The following FRMD5 variants were observed in gnomAD, a reference collection of about 807,000 sequenced individuals.
The protein encoded by FRMD5 is FERM domain containing 5, also known as FERM domain-containing protein 5.
A neutral mutation model predicts 69.0 loss-of-function variants in FRMD5; 20 were observed. The ratio of observed to expected loss-of-function variants is 0.29; its 90% CI spans 0.20 to 0.42. FRMD5 has a LOEUF of 0.42. Among genes scored for constraint, FRMD5 ranks in the 10% least tolerant of loss-of-function variants. The probability of loss-of-function intolerance (pLI) is 1.00; values close to 1 mark genes in which losing one functional copy is unlikely to be tolerated. For missense variants in FRMD5, 595 were observed against 708.6 expected, an observed-to-expected ratio of 0.84 and a Z score of 1.82; for synonymous variants, 271 against 260.1, an observed-to-expected ratio of 1.04 and a Z score of -0.40.
chr15:44,121,910 G>A lies in FRMD5; in HGVS notation c.102+73043C>T, dbSNP rs540220401. Among the ~76,000 whole-genome samples the A allele has an allele frequency of 2.7e-5, 4 of 148,732 alleles. No homozygotes were observed. The South Asian group carries it at 6.3e-4, about 24-fold the overall frequency. ...CTTGGGAGGGTGAGACAGGAGAATCGCTTGAACCTGAGGGGTGGAGGTTGC... is the reference window on the plus strand; with the variant it reads ...CTTGGGAGGGTGAGACAGGAGAATCACTTGAACCTGAGGGGTGGAGGTTGC... On this transcript the variant is annotated intron_variant, in intron 1 of 13. Coordinates refer to ENST00000417257, the MANE Select transcript of FRMD5 (RefSeq NM_032892.5).
At chr15:44,099,872 G>A (rs547316152) in intron 1 of FRMD5, among the ~76,000 whole-genome samples, 1 of 152,124 alleles carries the variant, frequency 6.6e-6, no homozygotes, top group African/African-American at 2.4e-5. Flanking sequence ...AAAAAGATAA[G>A]CTTGTATGAG....
intron 13 of FRMD5, among the ~76,000 whole-genome samples, chr15:43,880,315 T>G (rs1180222923): frequency 6.6e-6 from 1 of 152,142 alleles, no homozygotes; most frequent in Admixed American, 6.5e-5. Flanking sequence ...TCCTTGGGGT[T>G]TTTGTTGGTT....
chr15:43,944,608 G>C (rs561750023), intron 1 of FRMD5, among the ~76,000 whole-genome samples: 1 of 151,242 alleles, frequency 6.6e-6, no homozygotes, highest in South Asian at 2.1e-4. Context: ...TTTTTTTTTC[G>C]AGATGGAGTC....
At chr15:44,179,986 C>G (rs1188918734) in intron 1 of FRMD5, among the ~76,000 whole-genome samples, 1 of 147,318 alleles carries the variant, frequency 6.8e-6, no homozygotes, top group Non-Finnish European at 1.5e-5. Flanking sequence ...CTGCAGTGCA[C>G]TGTGCTCCAC....
At chr15:44,072,855 C>T (rs1052990334) in intron 1 of FRMD5, among the ~76,000 whole-genome samples, 8 of 152,178 alleles carry the variant, frequency 5.3e-5, no homozygotes, top group Admixed American at 4.6e-4. Flanking sequence ...CAAGGCTGGA[C>T]ACAGTGGCTC....
rs561110014 is a variant in FRMD5 at position 43,984,562 on chromosome 15, T to C, written c.103-60253A>G. ...CCCATTCACTACAGAGAAACTTACT[T>C]GAGCATCTCTCTTCAGATATTATTG... is the stretch of plus-strand genomic sequence containing the variant. On this transcript the variant is annotated intron_variant, in intron 1 of 13. Coordinates refer to ENST00000417257, the MANE Select transcript of FRMD5 (RefSeq NM_032892.5). 3.3e-5 allele frequency among the ~76,000 whole-genome samples: 5 copies of C among 152,312 alleles called. No homozygotes were observed. The East Asian group carries it at 9.6e-4, about 29-fold the overall frequency.
At chr15:44,005,745 C>T (rs893226337) in intron 1 of FRMD5, among the ~76,000 whole-genome samples, 1 of 152,076 alleles carries the variant, frequency 6.6e-6, no homozygotes, top group African/African-American at 2.4e-5. Flanking sequence ...AAGAACAGCA[C>T]TAGGGGGATG....
rs1415568931 is a variant in FRMD5 at position 43,999,951 on chromosome 15, T to TG, written c.103-75643dup. 3.1e-3 allele frequency among the ~76,000 whole-genome samples: 216 copies of TG among 68,798 alleles called. 6 individuals carry two copies. The highest frequency in any genetic ancestry group is 0.014 in the African/African-American group (209 of 15,366). The allele number at this position is 68,798 out of a possible 152,430, so 45.1% of individuals were successfully genotyped here. On this transcript the variant is annotated intron_variant, in intron 1 of 13. Coordinates refer to ENST00000417257, the MANE Select transcript of FRMD5 (RefSeq NM_032892.5). ...TATATATATATATATATATATGCCA[T>TG]GCATATATATATATATATATATATA...
chr15:43,966,238 G>A (rs1194547261), intron 1 of FRMD5, among the ~76,000 whole-genome samples: 1 of 152,002 alleles, frequency 6.6e-6, no homozygotes, highest in Non-Finnish European at 1.5e-5. Flanking sequence ...GGGGCGTGGT[G>A]GTGCATGCCT....
chr15:44,061,527 GC>G (rs1893086701), intron 1 of FRMD5, among the ~76,000 whole-genome samples: 1 of 152,236 alleles, frequency 6.6e-6, no homozygotes, highest in East Asian at 1.9e-4. Flanking sequence ...TACCCTTTAT[GC>G]TTTGAATTGT....
intron 1 of FRMD5, among the ~76,000 whole-genome samples, chr15:44,160,400 C>G (rs2077597553): frequency 6.6e-6 from 1 of 152,078 alleles, no homozygotes; most frequent in Admixed American, 6.6e-5. Flanking sequence ...CAGGATAGAA[C>G]AGAACCTGAA....
At chr15:44,086,439 T>C (rs1055564711) in intron 1 of FRMD5, among the ~76,000 whole-genome samples, 1 of 152,196 alleles carries the variant, frequency 6.6e-6, no homozygotes, top group Admixed American at 6.6e-5. Context: ...AAATGTAGTA[T>C]GTTAAGTGAA....
At chr15:44,026,564 G>A (rs938663692) in intron 1 of FRMD5, among the ~76,000 whole-genome samples, 1 of 151,972 alleles carries the variant, frequency 6.6e-6, no homozygotes, top group Non-Finnish European at 1.5e-5. Flanking sequence ...ACTGAACTAC[G>A]AATCTGTTAT....
At chr15:43,963,989 T>C (rs1489403315) in intron 1 of FRMD5, among the ~76,000 whole-genome samples, 2 of 151,956 alleles carry the variant, frequency 1.3e-5, no homozygotes, top group Non-Finnish European at 2.9e-5. Context: ...CACACCAACA[T>C]GGCACATGTA....
At chr15:43,966,592 T>C (rs1050493309) in intron 1 of FRMD5, among the ~76,000 whole-genome samples, 2 of 152,068 alleles carry the variant, frequency 1.3e-5, no homozygotes, top group African/African-American at 4.8e-5. Context: ...GAAGGAGGGA[T>C]GAGGCTGATT....
At chr15:44,009,585 G>A (rs541923995) in intron 1 of FRMD5, among the ~76,000 whole-genome samples, 1 of 152,260 alleles carries the variant, frequency 6.6e-6, no homozygotes, top group East Asian at 1.9e-4. Flanking sequence ...TGGCTGAGGT[G>A]GGAGAATTGC....
At chr15:43,885,069 A>G (rs952000732) in intron 11 of FRMD5, 7 of 387,920 alleles carry the variant, frequency 1.8e-5, no homozygotes, top group Non-Finnish European at 2.3e-5. Context: ...GCATGTTCCA[A>G]TTACATCACA....
chr15:44,075,372 T>A (rs1385197529), intron 1 of FRMD5, among the ~76,000 whole-genome samples: 1 of 152,256 alleles, frequency 6.6e-6, no homozygotes, highest in South Asian at 2.1e-4. Flanking sequence ...ACTGCTCAAC[T>A]CTTGAACAGT....
At chr15:43,941,958 T>C (rs768864681) in intron 1 of FRMD5, among the ~76,000 whole-genome samples, 1 of 152,252 alleles carries the variant, frequency 6.6e-6, no homozygotes, top group Non-Finnish European at 1.5e-5. Flanking sequence ...GAATTACTGA[T>C]GCTCATATTT....
Sources: gnomAD v4.1 joint callset for allele counts (sites outside exome capture counted in the v4.1 genomes callset) on GRCh38, gnomAD v4.1.1 for gene constraint, MANE v1.5 for transcripts, NCBI Gene and HGNC (gene_info 2026-07-23, HGNC 2026-07-21) for gene names.